Variants in ERBB4 observed in about 807,000 individuals in gnomAD.
ERBB4 encodes the protein erb-b2 receptor tyrosine kinase 4.
In ERBB4, 42 loss-of-function variants were observed where a neutral mutation model predicts 158.0. The observed-to-expected ratio is 0.27, with a 90% CI of 0.21 to 0.34. The LOEUF is 0.34. ERBB4 is among the 10% of genes least tolerant of loss of function. The pLI is 1.00. For synonymous variants in ERBB4, 583 were observed against 558.7 expected (o/e 1.04, Z -0.61); for missense variants, 1,333 against 1,624.1 (o/e 0.82, Z 3.08).
At chr2:211,997,506 C>T (rs10167008) in intron 2 of ERBB4, among the ~76,000 whole-genome samples, 19,838 of 151,976 alleles carry the variant, frequency 0.13, 1,737 homozygotes, top group Non-Finnish European at 0.2. Flanking sequence ...TAAATAATAT[C>T]AAATAATCAT....
At chr2:211,565,537 G>T (rs1247832025) in intron 19 of ERBB4, among the ~76,000 whole-genome samples, 1 of 152,168 alleles carries the variant, frequency 6.6e-6, no homozygotes, top group Admixed American at 6.5e-5. Context: ...AGGGTAGCTA[G>T]CATCTTTCAT....
chr2:211,806,820 A>G (rs13024631), intron 3 of ERBB4, among the ~76,000 whole-genome samples: 39,404 of 151,996 alleles, frequency 0.26, 5,652 homozygotes, highest in South Asian at 0.41. Flanking sequence ...CTCTGCTATG[A>G]TTTTTTAAAA....
At chr2:212,139,247 A>G (rs896624063) in intron 1 of ERBB4, among the ~76,000 whole-genome samples, 10 of 152,022 alleles carry the variant, frequency 6.6e-5, no homozygotes, top group Admixed American at 1.3e-4. Flanking sequence ...TTAGAGATGA[A>G]CTCAGAAATG....
intron 1 of ERBB4, among the ~76,000 whole-genome samples, chr2:212,199,244 G>T (rs759489212): frequency 6.6e-6 from 1 of 152,054 alleles, no homozygotes; most frequent in Non-Finnish European, 1.5e-5. Flanking sequence ...TCACAGATAC[G>T]TACTTTGACT....
At chr2:211,612,792 C>T (rs555080747) in intron 19 of ERBB4, among the ~76,000 whole-genome samples, 3 of 151,940 alleles carry the variant, frequency 2.0e-5, no homozygotes, top group Non-Finnish European at 2.9e-5. Context: ...AAGTTGAGGG[C>T]TGAGATTAAG....
intron 20 of ERBB4, among the ~76,000 whole-genome samples, chr2:211,492,267 C>T (rs4672615): frequency 0.33 from 50,297 of 151,864 alleles, 8,885 homozygotes; most frequent in African/African-American, 0.44. Context: ...TTCAGTTATT[C>T]TGATTTTGGG....
intron 1 of ERBB4, among the ~76,000 whole-genome samples, chr2:212,432,931 G>C (rs2105946931): frequency 6.6e-6 from 1 of 152,118 alleles, no homozygotes; most frequent in East Asian, 1.9e-4. Flanking sequence ...TGATGATACA[G>C]TGTTACATGG....
At chr2:211,391,084 G>A (rs1032883037) in intron 25 of ERBB4, among the ~76,000 whole-genome samples, 1 of 152,110 alleles carries the variant, frequency 6.6e-6, no homozygotes, top group Non-Finnish European at 1.5e-5. Context: ...TGTTAATCAC[G>A]ATGTCATAAT....
chr2:212,188,711 A>G (rs191881442), intron 1 of ERBB4, among the ~76,000 whole-genome samples: 110 of 151,890 alleles, frequency 7.2e-4, no homozygotes, highest in African/African-American at 2.6e-3. Context: ...TTCCTACTAG[A>G]TCCTTCAGAA....
At chr2:212,344,678 A>C (rs2088895481) in intron 1 of ERBB4, among the ~76,000 whole-genome samples, 1 of 152,166 alleles carries the variant, frequency 6.6e-6, no homozygotes, top group Non-Finnish European at 1.5e-5. Context: ...CAACTCTAAA[A>C]GTCCTACTTT....
chr2:211,993,579 T>A, intron 2 of ERBB4, among the ~76,000 whole-genome samples: 1 of 144,160 alleles, frequency 6.9e-6, no homozygotes, highest in Admixed American at 6.8e-5. Context: ...AAATTGCTAT[T>A]TTTTTTTTCA....
At chr2:211,425,279 A>AATT (rs1429781516) in intron 22 of ERBB4, among the ~76,000 whole-genome samples, 1 of 152,038 alleles carries the variant, frequency 6.6e-6, no homozygotes, top group Non-Finnish European at 1.5e-5. Context: ...ATCTGTAATG[A>AATT]ATTATTTACT....
chr2:212,291,754 A>C (rs1274584475), intron 1 of ERBB4, among the ~76,000 whole-genome samples: 1 of 152,084 alleles, frequency 6.6e-6, no homozygotes, highest in Non-Finnish European at 1.5e-5. Context: ...TTTAAATTGA[A>C]TACTTAGCCA....
chr2:212,103,081 A>G (rs1208383773), intron 2 of ERBB4, among the ~76,000 whole-genome samples: 1 of 152,094 alleles, frequency 6.6e-6, no homozygotes, highest in Non-Finnish European at 1.5e-5. Flanking sequence ...TCAATGCATG[A>G]CAGATGGAGC....
chr2:211,601,559 C>T (rs1300211695), intron 19 of ERBB4, among the ~76,000 whole-genome samples: 1 of 151,590 alleles, frequency 6.6e-6, no homozygotes, highest in Admixed American at 6.6e-5. Context: ...GAAAAGATCC[C>T]CAAATATTGC....
chr2:211,722,565 C>T (rs754186091), intron 6 of ERBB4, 31 bp from the exon 7 acceptor site: 1 of 1,609,180 alleles, frequency 6.2e-7, no homozygotes, highest in African/African-American at 1.3e-5. Flanking sequence ...CTTTCATTTA[C>T]AAATAAACTC....
Position 211,512,787 on chromosome 2 carries a change from C to T in ERBB4, c.2487+49116G>A, listed in dbSNP as rs528822336. Among the ~76,000 whole-genome samples, 54 of 152,058 alleles carry T rather than the reference C, an allele frequency of 3.6e-4. 1 individual carries two copies. The highest frequency in any genetic ancestry group is 1.3e-3 in the African/African-American group (52 of 41,442). ...TCCCACTGCCATGTTTGGAGATTTG[C>T]ATAATAACACAACTAAGTACCTGAC... is the stretch of plus-strand genomic sequence containing the variant. On this transcript the variant is annotated intron_variant, in intron 20 of 27. Transcript: ENST00000342788.
intron 18 of ERBB4, among the ~76,000 whole-genome samples, chr2:211,622,991 ATATATATATATATATATATATATATAT>A (rs2069679009): frequency 3.1e-4 from 2 of 6,432 alleles, no homozygotes; most frequent in Admixed American, 4.5e-3. Flanking sequence ...AAAAAAAAAA[ATATATATATATATATATATATATATAT>A]ATATATATAT....
chr2:212,396,349 G>A (rs1028887173), intron 1 of ERBB4, among the ~76,000 whole-genome samples: 1 of 152,020 alleles, frequency 6.6e-6, no homozygotes, highest in African/African-American at 2.4e-5. Flanking sequence ...AACTTAAGAA[G>A]CCATATAGTT....
Sources: gnomAD v4.1 joint callset for allele counts (sites outside exome capture counted in the v4.1 genomes callset) on GRCh38, gnomAD v4.1.1 for gene constraint, MANE v1.5 for transcripts, NCBI Gene and HGNC (gene_info 2026-07-23, HGNC 2026-07-21) for gene names.